DNAAF10: variants seen among roughly 807,000 people sequenced by gnomAD.
DNAAF10 encodes WD repeat domain 92.
In DNAAF10, 28 loss-of-function variants were observed where a neutral mutation model predicts 43.7. That is an observed-to-expected ratio of 0.64 (90% CI 0.48 to 0.88). DNAAF10 has a LOEUF of 0.88. Ranked by LOEUF, DNAAF10 falls within the 40% of genes least tolerant of loss-of-function variation. The pLI is 0.00. For missense variants in DNAAF10, 403 were observed against 439.1 expected, an observed-to-expected ratio of 0.92 and a Z score of 0.73; for synonymous variants, 156 against 157.3, an observed-to-expected ratio of 0.99 and a Z score of 0.06.
chr2:68,151,399 A>G (rs893958639), intron 1 of DNAAF10, among the ~76,000 whole-genome samples: 5 of 152,132 alleles, frequency 3.3e-5, no homozygotes, highest in Non-Finnish European at 7.4e-5. Flanking sequence ...TTTCAGTTCA[A>G]ATGCCACATT....
At position 68,157,306 on chromosome 2, in the gene DNAAF10, A is replaced by G. The variant is rs559911652; in HGVS notation, c.138T>C (p.Ile46=). 6.2e-7 allele frequency: 1 copy of G among 1,614,074 alleles called. No homozygotes were observed. The highest frequency in any genetic ancestry group is 2.2e-5 in the East Asian group (1 of 44,864). ...CCCCGTGCTGGATCTCGTACAGCTG[A>G]ATGACGCCGGTGCCCCGTGCGAAGT... ...MGNFARGTGV[I]QLYEIQHGDL... The change falls in exon 1 of 8, where the codon ATT becomes ATC. Residue 46 remains isoleucine (I), a synonymous_variant. Coordinates refer to ENST00000295121, the MANE Select transcript of DNAAF10 (RefSeq NM_138458.4).
intron 1 of DNAAF10, among the ~76,000 whole-genome samples, chr2:68,151,472 G>A (rs889372624): frequency 1.3e-5 from 2 of 152,132 alleles, no homozygotes; most frequent in Non-Finnish European, 2.9e-5. Flanking sequence ...CACTCACCCT[G>A]TTTAATCATC....
chr2:68,153,627 C>T (rs960278091), intron 1 of DNAAF10, among the ~76,000 whole-genome samples: 19 of 151,994 alleles, frequency 1.3e-4, no homozygotes, highest in Admixed American at 1.2e-3. Context: ...CACACACAAG[C>T]CACAAAATGC....
chr2:68,147,588 G>C, intron 1 of DNAAF10, 21 bp from the exon 2 acceptor site: 1 of 1,544,814 alleles, frequency 6.5e-7, no homozygotes, highest in African/African-American at 1.4e-5. Context: ...GGGAGGAAGA[G>C]AGGATATATT....
chr2:68,144,737 T>G, intron 2 of DNAAF10, 22 bp from the exon 3 acceptor site: 1 of 1,600,748 alleles, frequency 6.2e-7, no homozygotes, highest in Non-Finnish European at 8.5e-7. Context: ...ACACAGCTTC[T>G]TACACCACAT....
intron 1 of DNAAF10, among the ~76,000 whole-genome samples, chr2:68,154,638 T>C (rs1398317441): frequency 6.6e-6 from 1 of 152,224 alleles, no homozygotes; most frequent in African/African-American, 2.4e-5. Flanking sequence ...CGTGGACACA[T>C]ATTATTTTTG....
intron 1 of DNAAF10, among the ~76,000 whole-genome samples, chr2:68,152,196 T>C (rs2103636988): frequency 6.6e-6 from 1 of 152,350 alleles, no homozygotes; most frequent in African/African-American, 2.4e-5. Flanking sequence ...TATAAATATA[T>C]GATATTATGC....
intron 7 of DNAAF10, 194 bp from the exon 8 acceptor site, chr2:68,131,639 T>A: frequency 1.7e-6 from 1 of 575,934 alleles, no homozygotes; most frequent in South Asian, 2.2e-5. Context: ...AAACACGTCA[T>A]AAAAAAGGGT....
chr2:68,143,452 G>A (rs911932042), intron 3 of DNAAF10, among the ~76,000 whole-genome samples: 1 of 152,132 alleles, frequency 6.6e-6, no homozygotes, highest in Admixed American at 6.5e-5. Flanking sequence ...AAAGTTGTGG[G>A]ATTATAGGCG....
intron 1 of DNAAF10, among the ~76,000 whole-genome samples, chr2:68,153,820 C>G (rs1183809496): frequency 7.2e-6 from 1 of 139,206 alleles, no homozygotes; most frequent in Non-Finnish European, 1.5e-5. Flanking sequence ...GGCGCGATCT[C>G]GGCTCACTGC....
chr2:68,149,135 G>T (rs1673394097), intron 1 of DNAAF10, among the ~76,000 whole-genome samples: 1 of 151,778 alleles, frequency 6.6e-6, no homozygotes, highest in Admixed American at 6.6e-5. Flanking sequence ...TTCTATATAG[G>T]GTATATTATC....
At chr2:68,131,571 T>G (rs1672932614) in intron 7 of DNAAF10, 126 bp from the exon 8 acceptor site, 1 of 870,698 alleles carries the variant, frequency 1.1e-6, no homozygotes, top group African/African-American at 1.7e-5. Flanking sequence ...TTAAAGAATC[T>G]TTCTAATACT....
rs1453152500 is a variant in DNAAF10, at chr2:68,130,115, G to GAGAGAGATAGATATATATATATATAT, written c.*1122_*1123insATATATATATATATATCTATCTCTCT. The GAGAGAGATAGATATATATATATATAT allele has an allele frequency of 7.5e-6, 1 of 132,948 alleles. No homozygotes were observed. Among genetic ancestry groups the GAGAGAGATAGATATATATATATATAT allele is most frequent in the African/African-American group, 2.9e-5 (1 of 34,264 alleles). The allele number at this position is 132,948 out of a possible 1,614,324, so 8.2% of individuals were successfully genotyped here. A position where few individuals can be genotyped will look rare whatever the true frequency, so the allele number is the denominator to read the frequency against. Reference sequence around the variant, plus strand: ...CAACCGTGCCGTTTTGAGAGAGAGAGATATATATATATATATTTGTTTTTT... The same window carrying GAGAGAGATAGATATATATATATATAT: ...CAACCGTGCCGTTTTGAGAGAGAGAGAGAGAGATAGATATATATATATATATATATATATATATATATTTGTTTTTT... On this transcript the variant is annotated 3_prime_UTR_variant, in exon 8 of 8. Coordinates refer to ENST00000295121, the MANE Select transcript of DNAAF10 (RefSeq NM_138458.4).
chr2:68,146,067 G>T (rs1673310682), intron 2 of DNAAF10, among the ~76,000 whole-genome samples: 1 of 152,130 alleles, frequency 6.6e-6, no homozygotes, highest in African/African-American at 2.4e-5. Context: ...TTCGAGACTA[G>T]CCTGGCCAAC....
chr2:68,133,234 T>C (rs1343009889), intron 7 of DNAAF10, among the ~76,000 whole-genome samples: 5 of 152,138 alleles, frequency 3.3e-5, no homozygotes, highest in African/African-American at 1.2e-4. Context: ...GTTTGTTTGT[T>C]TGTTTGTTGA....
At chr2:68,139,728 T>C (rs972708311) in intron 4 of DNAAF10, among the ~76,000 whole-genome samples, 41 of 150,486 alleles carry the variant, frequency 2.7e-4, no homozygotes, top group African/African-American at 9.8e-4. Context: ...GGCATGAACC[T>C]GGGAGGCAGA....
At chr2:68,149,917 A>G (rs907897240) in intron 1 of DNAAF10, among the ~76,000 whole-genome samples, 1 of 152,236 alleles carries the variant, frequency 6.6e-6, no homozygotes, top group Non-Finnish European at 1.5e-5. Context: ...ATGTGGTTCC[A>G]GGAGACAGGG....
chr2:68,130,126 A>ATATATATATATATG lies in DNAAF10; in HGVS notation c.*1111_*1112insCATATATATATATA, dbSNP rs1672897522. 1 of 139,680 alleles carries ATATATATATATATG rather than the reference A, an allele frequency of 7.2e-6. No homozygotes were observed. The highest frequency in any genetic ancestry group is 2.7e-5 in the African/African-American group (1 of 36,920). 8.7% of individuals were successfully genotyped at this position (139,680 alleles called of 1,614,324 possible). A position where few individuals can be genotyped will look rare whatever the true frequency, so the allele number is the denominator to read the frequency against. ...TTTTGAGAGAGAGAGATATATATATATATATTTGTTTTTTTTTTTTTTGAG... is the reference window on the plus strand; with the variant it reads ...TTTTGAGAGAGAGAGATATATATATATATATATATATATGTATATTTGTTTTTTTTTTTTTTGAG... On this transcript the variant is annotated 3_prime_UTR_variant, in exon 8 of 8. Transcript: ENST00000295121.
rs1488022410 is a variant in DNAAF10, at chr2:68,134,713, G to T, written c.855C>A (p.His285Gln). The T allele has an allele frequency of 6.2e-7, 1 of 1,610,396 alleles. No homozygotes were observed. The highest frequency in any genetic ancestry group is 1.1e-5 in the South Asian group (1 of 90,198). ...ACTGGCAGACTTACTACTTCCAGAGGTGAAGGCCGCCGGCGCCTCCAGCTG... is the reference window on the plus strand; with the variant it reads ...ACTGGCAGACTTACTACTTCCAGAGTTGAAGGCCGCCGGCGCCTCCAGCTG... Reference protein sequence around the residue: ...FLTAGGAGGLHLWKYEYPIQR... With the variant: ...FLTAGGAGGLQLWKYEYPIQR... Residue 285 changes from histidine to glutamine, a missense_variant, in exon 7 of 8, where the codon CAC becomes CAA. Coordinates refer to ENST00000295121, the MANE Select transcript of DNAAF10 (RefSeq NM_138458.4).
Sources: gnomAD v4.1 joint callset for allele counts (sites outside exome capture counted in the v4.1 genomes callset) on GRCh38, gnomAD v4.1.1 for gene constraint, MANE v1.5 for transcripts, NCBI Gene and HGNC (gene_info 2026-07-23, HGNC 2026-07-21) for gene names.